Variants in MAGI2 observed in about 807,000 individuals in gnomAD.
MAGI2 encodes membrane-associated guanylate kinase, WW and PDZ domain-containing protein 2.
MAGI2 carries 35 observed loss-of-function variants against 133.3 expected under a neutral mutation model. The observed-to-expected ratio is 0.26, with a 90% CI of 0.20 to 0.35. The LOEUF (loss-of-function observed/expected upper bound fraction) is 0.35, where lower values mean the gene tolerates loss of function less well. Among genes scored for constraint, MAGI2 ranks in the 10% least tolerant of loss-of-function variants. The probability of loss-of-function intolerance (pLI) is 1.00; values close to 1 mark genes in which losing one functional copy is unlikely to be tolerated. For missense variants in MAGI2, 1,636 were observed against 1,863.4 expected (o/e 0.88, Z 2.25); for synonymous variants, 729 against 710.6 (o/e 1.03, Z -0.41).
intron 2 of MAGI2, among the ~76,000 whole-genome samples, chr7:78,914,499 T>C (rs1037172674): frequency 2.0e-5 from 3 of 152,174 alleles, no homozygotes; most frequent in Non-Finnish European, 2.9e-5. Context: ...TGAAATAATT[T>C]GATCTGTCTT....
At chr7:78,636,428 G>A (rs547360267) in intron 2 of MAGI2, among the ~76,000 whole-genome samples, 64 of 150,584 alleles carry the variant, frequency 4.3e-4, no homozygotes, top group Non-Finnish European at 4.9e-4. Context: ...GCCCCATATG[G>A]CATCAATTAC....
chr7:78,685,648 ATATG>A (rs1484094858), intron 2 of MAGI2, among the ~76,000 whole-genome samples: 1 of 148,548 alleles, frequency 6.7e-6, no homozygotes, highest in Non-Finnish European at 1.5e-5. Context: ...ACCTATATAT[ATATG>A]TGTGTGTGTG....
intron 1 of MAGI2, among the ~76,000 whole-genome samples, chr7:79,444,351 T>C (rs1286555191): frequency 9.9e-5 from 15 of 152,060 alleles, no homozygotes; most frequent in Admixed American, 2.6e-4. Context: ...GAGTATTCAA[T>C]TAGGAAAAGA....
intron 3 of MAGI2, among the ~76,000 whole-genome samples, chr7:78,622,527 T>C (rs1020759543): frequency 1.4e-4 from 22 of 152,108 alleles, no homozygotes; most frequent in African/African-American, 4.8e-4. Context: ...TCTAGTTGAG[T>C]AGCACAGAAT....
At chr7:79,249,754 T>C (rs1291748047) in intron 1 of MAGI2, among the ~76,000 whole-genome samples, 1 of 152,076 alleles carries the variant, frequency 6.6e-6, no homozygotes, top group Non-Finnish European at 1.5e-5. Context: ...ATTCAAACTA[T>C]CCTGAAACAG....
chr7:78,097,263 CAAA>C (rs1221139387), intron 20 of MAGI2, among the ~76,000 whole-genome samples: 4 of 152,090 alleles, frequency 2.6e-5, no homozygotes, highest in Non-Finnish European at 5.9e-5. Context: ...GGCGATTCCT[CAAA>C]GAACTAAAAA....
intron 21 of MAGI2, among the ~76,000 whole-genome samples, chr7:78,026,982 A>G (rs1808985383): frequency 6.6e-6 from 1 of 152,240 alleles, no homozygotes; most frequent in Admixed American, 6.5e-5. Flanking sequence ...TCATGTTAAT[A>G]CATGTAAACT....
At chr7:78,929,634 T>C (rs958316072) in intron 2 of MAGI2, among the ~76,000 whole-genome samples, 3 of 152,050 alleles carry the variant, frequency 2.0e-5, no homozygotes, top group Admixed American at 1.3e-4. Flanking sequence ...TCTGCTTCCA[T>C]CATCACGTAG....
intron 1 of MAGI2, among the ~76,000 whole-genome samples, chr7:79,238,258 G>T (rs1269049094): frequency 6.6e-6 from 1 of 150,400 alleles, no homozygotes; most frequent in Admixed American, 6.6e-5. Flanking sequence ...ACTTCCATTT[G>T]TTTCCAGAAT....
intron 14 of MAGI2, among the ~76,000 whole-genome samples, chr7:78,168,811 CT>C (rs1361434572): frequency 6.6e-6 from 1 of 152,176 alleles, no homozygotes; most frequent in African/African-American, 2.4e-5. Flanking sequence ...TGAAAGTTTT[CT>C]TTTTCTTTGC....
chr7:78,118,769 T>C (rs1369100479), intron 20 of MAGI2, among the ~76,000 whole-genome samples: 1 of 152,218 alleles, frequency 6.6e-6, no homozygotes, highest in Admixed American at 6.5e-5. Flanking sequence ...TAAAATGGTA[T>C]AGCCAATTTG....
At chr7:79,392,976 C>T (rs902482162) in intron 1 of MAGI2, among the ~76,000 whole-genome samples, 1 of 152,292 alleles carries the variant, frequency 6.6e-6, no homozygotes, top group East Asian at 1.9e-4. Context: ...CTTCCCTCCA[C>T]TCTCAGAAAT....
In MAGI2 at chr7:78,501,737, A is replaced by G; in HGVS notation, c.805T>C (p.Ser269Pro). The change falls in exon 5 of 22, where the codon TCC becomes CCC. Residue 269 changes from serine to proline, a missense_variant. Ser to Pro is a moderately conservative substitution (Grantham distance 74). Transcript: ENST00000354212. ...KSAGASGEMP[S>P]QPYPAPVYSQ... is the part of the protein sequence containing the mutation. ...TACACTGGTGCAGGATAAGGCTGGGAGGGCATCTCCCCTGAGGCACCTGCA... is the reference window on the plus strand; with the variant it reads ...TACACTGGTGCAGGATAAGGCTGGGGGGGCATCTCCCCTGAGGCACCTGCA... 1 of 1,614,058 alleles carries G rather than the reference A, an allele frequency of 6.2e-7. No homozygotes were observed. The highest frequency in any genetic ancestry group is 1.1e-5 in the South Asian group (1 of 91,078).
rs557842534 is a variant in MAGI2 at position 79,205,979 on chromosome 7, T to A, written c.302-198773A>T. ...AGAGAAAGGAAGAACAAAGGATCTA[T>A]GGGTCAATGAGTCAATGACAAAATT... is the stretch of plus-strand genomic sequence containing the variant. On this transcript the variant is annotated intron_variant, in intron 1 of 21. Coordinates refer to ENST00000354212, the MANE Select transcript of MAGI2 (RefSeq NM_012301.4). Among the ~76,000 whole-genome samples the A allele has an allele frequency of 4.0e-5, 6 of 151,606 alleles. No homozygotes were observed. In the South Asian group the frequency reaches 1.2e-3, roughly 32 times the overall value.
intron 14 of MAGI2, among the ~76,000 whole-genome samples, chr7:78,176,751 G>C (rs1445009103): frequency 2.0e-5 from 3 of 151,958 alleles, no homozygotes; most frequent in Non-Finnish European, 4.4e-5. Context: ...AGGAGACTGA[G>C]GCAGGAGGAT....
chr7:78,660,146 T>A lies in MAGI2; in HGVS notation c.419-32907A>T, dbSNP rs553750780. Among the ~76,000 whole-genome samples, 11 of 151,896 alleles carry A rather than the reference T, an allele frequency of 7.2e-5. No homozygotes were observed. In the East Asian group the frequency reaches 1.6e-3, roughly 21 times the overall value. ...GTGGGGTGGGGGGAGGTGGGAGGGA[T>A]AGCATTAGGAGATATACCTAATGTA... On this transcript the variant is annotated intron_variant, in intron 2 of 21. Coordinates refer to ENST00000354212, the MANE Select transcript of MAGI2 (RefSeq NM_012301.4).
chr7:78,693,407 G>A (rs776013952), intron 2 of MAGI2, among the ~76,000 whole-genome samples: 2 of 151,992 alleles, frequency 1.3e-5, no homozygotes, highest in African/African-American at 4.8e-5. Flanking sequence ...ATATTCTTAC[G>A]ATGTGTACAA....
At chr7:78,567,577 A>G (rs936724906) in intron 3 of MAGI2, among the ~76,000 whole-genome samples, 4 of 152,150 alleles carry the variant, frequency 2.6e-5, no homozygotes, top group African/African-American at 7.2e-5. Context: ...GCTTGCACCT[A>G]TATGTACAAG....
At chr7:79,013,282 T>C (rs1808363571) in intron 1 of MAGI2, among the ~76,000 whole-genome samples, 1 of 152,128 alleles carries the variant, frequency 6.6e-6, no homozygotes, top group South Asian at 2.1e-4. Context: ...TGTTTTCTAG[T>C]TGTGGAATTA....
Sources: gnomAD v4.1 joint callset for allele counts (sites outside exome capture counted in the v4.1 genomes callset) on GRCh38, gnomAD v4.1.1 for gene constraint, MANE v1.5 for transcripts, NCBI Gene and HGNC (gene_info 2026-07-23, HGNC 2026-07-21) for gene names.